Variants in DCHS2 observed in about 807,000 individuals in gnomAD.
DCHS2 encodes dachsous cadherin-related 2, also known as protocadherin-23.
DCHS2 carries 142 observed loss-of-function variants against 182.4 expected under a neutral mutation model. The ratio of observed to expected loss-of-function variants is 0.78; its 90% CI spans 0.68 to 0.89. DCHS2 has a LOEUF of 0.89. Among genes scored for constraint, DCHS2 ranks in the 40% least tolerant of loss-of-function variants. The probability of loss-of-function intolerance (pLI) is 0.00; values close to 1 mark genes in which losing one functional copy is unlikely to be tolerated. For synonymous variants in DCHS2, 1,740 were observed against 1,663.3 expected (o/e 1.05, Z -1.12); for missense variants, 4,319 against 4,198.6 (o/e 1.03, Z -0.79).
chr4:154,450,287 G>GACTTGA (rs1475197936), intron 1 of DCHS2, among the ~76,000 whole-genome samples: 2 of 152,184 alleles, frequency 1.3e-5, no homozygotes, highest in Non-Finnish European at 2.9e-5. Flanking sequence ...AATGAGATTT[G>GACTTGA]ACTTGAACGG....
intron 1 of DCHS2, among the ~76,000 whole-genome samples, chr4:154,444,029 C>T (rs1734150222): frequency 2.0e-5 from 3 of 152,100 alleles, no homozygotes; most frequent in Admixed American, 1.3e-4. Context: ...TCCTCTCCTC[C>T]CTGCCCAGCT....
In DCHS2 at chr4:154,240,698, C is replaced by T. The variant is rs779404516; in HGVS notation, c.7198G>A (p.Gly2400Arg). ...GTKFAIDQNT[G>R]VVVLVKTLDF... ...AATGTTTTCACCAACACCACCACTC[C>T]AGTGTTCTGATCAATAGCAAACTTG... The change falls in exon 18 of 20, where the codon GGA (glycine) becomes AGA (arginine). Residue 2400 changes from glycine (G) to arginine (R), a missense_variant. By Grantham distance (125) the Gly-to-Arg change is moderately radical. Transcript: ENST00000357232. 3.1e-6 allele frequency: 5 copies of T among 1,613,958 alleles called. No homozygotes were observed. In the South Asian group the frequency reaches 5.5e-5, roughly 18 times the overall value.
chr4:154,287,306 A>G (rs1734447865), intron 13 of DCHS2, among the ~76,000 whole-genome samples: 2 of 152,180 alleles, frequency 1.3e-5, no homozygotes, highest in South Asian at 4.1e-4. Context: ...AAAACACAGA[A>G]TATTATAACA....
chr4:154,244,307 T>C (rs149373723), intron 16 of DCHS2, among the ~76,000 whole-genome samples: 2 of 152,350 alleles, frequency 1.3e-5, no homozygotes, highest in East Asian at 3.9e-4. Flanking sequence ...CAGGTTCATG[T>C]GTTGGTCAAC....
chr4:154,486,401 G>A (rs1728587337), intron 1 of DCHS2: 7 of 1,303,468 alleles, frequency 5.4e-6, no homozygotes, highest in Non-Finnish European at 7.1e-6. Context: ...AAGTTAAAGG[G>A]TTTGTTTTTA....
intron 7 of DCHS2, chr4:154,322,857 A>G (rs1736122285): frequency 4.1e-6 from 1 of 243,714 alleles, no homozygotes; most frequent in Non-Finnish European, 7.9e-6. Context: ...ATATTTCAAA[A>G]TGCATCTTTA....
At chr4:154,374,205 CGACTACAAGGATCTCTG>C in intron 2 of DCHS2, 1 of 471,666 alleles carries the variant, frequency 2.1e-6, no homozygotes, top group South Asian at 3.2e-5. Context: ...AGCAGTTCTA[CGACTACAAGGATCTCTG>C]TGTCCTGCAT....
intron 14 of DCHS2, among the ~76,000 whole-genome samples, chr4:154,260,384 C>T (rs528761555): frequency 2.8e-4 from 43 of 152,264 alleles, no homozygotes; most frequent in South Asian, 1.0e-3. Context: ...AGCTTCACTC[C>T]AGCCCCATTA....
At position 154,270,015 on chromosome 4, in the gene DCHS2, T is replaced by G. The variant is rs760209267; in HGVS notation, c.6464-2A>C. The G allele has an allele frequency of 1.1e-5, 17 of 1,590,146 alleles. No homozygotes were observed. The South Asian group carries it at 2.0e-4, about 18-fold the overall frequency. ...CTTTAACAGTCACAATAGAAGTACC[T>G]GTAAAAATTAGGTAAAAAAAGAACT... is the stretch of plus-strand genomic sequence containing the variant. On this transcript the variant is annotated splice_acceptor_variant, in intron 13 of 19. Transcript: ENST00000357232. LOFTEE classifies it high-confidence loss of function.
In DCHS2 at chr4:154,437,399, G is replaced by A. The variant is rs140203824; in HGVS notation, c.2052+51905C>T. 8.6e-3 allele frequency among the ~76,000 whole-genome samples: 1,313 copies of A among 152,252 alleles called. 10 individuals are homozygous for A. The highest frequency in any genetic ancestry group is 0.014 in the Non-Finnish European group (923 of 68,022). On this transcript the variant is annotated intron_variant, in intron 1 of 19. Coordinates refer to ENST00000357232, the MANE Select transcript of DCHS2 (RefSeq NM_001358235.2). ...TCAGTGACAGGGAAGGGAAGGCAGC[G>A]ACTACTGAAAGCCTAAAACAAAACA...
chr4:154,332,456 G>T, intron 5 of DCHS2, 22 bp downstream of exon 5: 1 of 1,576,588 alleles, frequency 6.3e-7, no homozygotes, highest in Non-Finnish European at 8.6e-7. Flanking sequence ...TAAAGGAATA[G>T]GTGGAAACTA....
At chr4:154,414,085 T>G (rs1221034147) in intron 1 of DCHS2, among the ~76,000 whole-genome samples, 1 of 152,026 alleles carries the variant, frequency 6.6e-6, no homozygotes, top group Non-Finnish European at 1.5e-5. Context: ...GCCTTTTTTC[T>G]TATTCACCAC....
chr4:154,475,693 A>C (rs976473278), intron 1 of DCHS2, among the ~76,000 whole-genome samples: 4 of 152,212 alleles, frequency 2.6e-5, no homozygotes, highest in African/African-American at 9.6e-5. Flanking sequence ...AATCTCACCC[A>C]GTCTATTAAG....
At chr4:154,334,516 T>G (rs1486427377) in intron 4 of DCHS2, 1 of 208,370 alleles carries the variant, frequency 4.8e-6, no homozygotes, top group Non-Finnish European at 9.7e-6. Context: ...GGAAAGAAGC[T>G]CTATAACAAC....
At chr4:154,422,537 A>C (rs1276774169) in intron 1 of DCHS2, among the ~76,000 whole-genome samples, 1 of 152,206 alleles carries the variant, frequency 6.6e-6, no homozygotes, top group East Asian at 1.9e-4. Flanking sequence ...AAGGTCTCCC[A>C]GTTTCCATTC....
chr4:154,477,080 TG>T (rs1735715696), intron 1 of DCHS2, among the ~76,000 whole-genome samples: 1 of 152,186 alleles, frequency 6.6e-6, no homozygotes, highest in African/African-American at 2.4e-5. Flanking sequence ...TACTGTAGGC[TG>T]GGTGGCTTAA....
At chr4:154,291,853 A>G (rs1434985813) in intron 13 of DCHS2, among the ~76,000 whole-genome samples, 1 of 152,174 alleles carries the variant, frequency 6.6e-6, no homozygotes, top group African/African-American at 2.4e-5. Flanking sequence ...GTACAAAAAT[A>G]TAGTCAGATA....
chr4:154,426,261 A>G (rs1283085077), intron 1 of DCHS2, among the ~76,000 whole-genome samples: 1 of 152,204 alleles, frequency 6.6e-6, no homozygotes, highest in African/African-American at 2.4e-5. Flanking sequence ...ACACTGATAT[A>G]TCTCATGTCT....
intron 3 of DCHS2, among the ~76,000 whole-genome samples, chr4:154,358,758 C>CT (rs1022318044): frequency 6.6e-6 from 1 of 151,654 alleles, no homozygotes; most frequent in East Asian, 1.9e-4. Flanking sequence ...TTGAATCTAA[C>CT]TTTTTTTTCA....
Sources: allele counts gnomAD v4.1 joint callset (sites outside exome capture counted in the v4.1 genomes callset), GRCh38; gene constraint gnomAD v4.1.1; transcripts MANE v1.5; gene names NCBI Gene and HGNC (gene_info 2026-07-23, HGNC 2026-07-21).